The following CELF1 variants were observed in gnomAD, a reference collection of about 807,000 sequenced individuals.
The protein encoded by CELF1 is 50 kDa nuclear polyadenylated RNA-binding protein.
Under a neutral mutation model 61.8 loss-of-function variants are expected in CELF1, and 10 were observed. The ratio of observed to expected loss-of-function variants is 0.16; its 90% CI spans 0.10 to 0.27. CELF1 has a LOEUF of 0.27. Ranked by LOEUF, CELF1 falls within the 10% of genes least tolerant of loss-of-function variation. CELF1 has a pLI of 1.00. For synonymous variants in CELF1, 236 were observed against 225.1 expected (o/e 1.05, Z -0.43); for missense variants, 380 against 639.1 (o/e 0.59, Z 4.37).
In CELF1 at chr11:47,488,985, T is replaced by C; in HGVS notation, c.111A>G (p.Gln37=). ...KMNGTLDHPD[Q]PDLDAIKMFV... ...ACATCTTGATAGCATCAAGATCTGG[T>C]TGGTCTGGGTGGTCCAGGGTGCCGT... Residue 37 remains glutamine, a synonymous_variant, in exon 4 of 15, where the codon CAA becomes CAG. Transcript: ENST00000687097. 1.2e-6 allele frequency: 2 copies of C among 1,607,452 alleles called. No homozygotes were observed. Among genetic ancestry groups the C allele is most frequent in the Non-Finnish European group, 1.7e-6 (2 of 1,178,080 alleles).
At chr11:47,477,620 C>T in intron 10 of CELF1, 195 bp from the exon 11 acceptor site, 1 of 534,876 alleles carries the variant, frequency 1.9e-6, no homozygotes, top group Non-Finnish European at 3.3e-6. Flanking sequence ...ATCATTTCCT[C>T]AGAGAAGAGA....
At chr11:47,514,755 T>G (rs1357585376) in intron 1 of CELF1, 1 of 151,426 alleles carries the variant, frequency 6.6e-6, no homozygotes, top group African/African-American at 2.4e-5. Context: ...CTAATTTGGA[T>G]GCTGAGGTAG....
chr11:47,480,453 G>C (rs2082375642), intron 9 of CELF1, among the ~76,000 whole-genome samples: 1 of 152,094 alleles, frequency 6.6e-6, no homozygotes, highest in African/African-American at 2.4e-5. Flanking sequence ...TACTGTACTT[G>C]GTCCCTTCAT....
At chr11:47,491,902 G>A (rs2091628401) in intron 3 of CELF1, among the ~76,000 whole-genome samples, 1 of 152,220 alleles carries the variant, frequency 6.6e-6, no homozygotes. Flanking sequence ...GATAAAATGA[G>A]TGCTATGCAC....
chr11:47,501,479 C>CA (rs2093891506), intron 1 of CELF1, among the ~76,000 whole-genome samples: 1 of 152,100 alleles, frequency 6.6e-6, no homozygotes, highest in Non-Finnish European at 1.5e-5. Context: ...TCTTTTAGTG[C>CA]AAGAATTCCT....
chr11:47,516,219 G>A (rs1348887513), intron 1 of CELF1, among the ~76,000 whole-genome samples: 2 of 152,096 alleles, frequency 1.3e-5, no homozygotes, highest in East Asian at 3.9e-4. Context: ...TAAAAAGAGA[G>A]AGAGAAAAGG....
Position 47,472,224 on chromosome 11 carries a change from G to A in CELF1, c.*6C>T, listed in dbSNP as rs1275465163. 1 of 1,613,656 alleles carries A rather than the reference G, an allele frequency of 6.2e-7. No homozygotes were observed. Among genetic ancestry groups the A allele is most frequent in the South Asian group, 1.1e-5 (1 of 91,050 alleles). On this transcript the variant is annotated 3_prime_UTR_variant, in exon 15 of 15. Transcript: ENST00000687097. Reference sequence around the variant, plus strand: ...CCTCTCACTCCAGTCTCAGAGGGGAGCACGCTCAGTAGGGCTTGCTGTCAT... The same window carrying A: ...CCTCTCACTCCAGTCTCAGAGGGGAACACGCTCAGTAGGGCTTGCTGTCAT...
At chr11:47,556,388 T>C (rs1386746834), upstream of CELF1, among the ~76,000 whole-genome samples, 2 of 152,148 alleles carry the variant, frequency 1.3e-5, no homozygotes, top group Non-Finnish European at 2.9e-5. Flanking sequence ...TCTCACTATG[T>C]TGCCCAGGCT....
chr11:47,526,676 C>T (rs1443439988), intron 1 of CELF1, among the ~76,000 whole-genome samples: 2 of 152,154 alleles, frequency 1.3e-5, no homozygotes, highest in Non-Finnish European at 2.9e-5. Flanking sequence ...AAAACAAAAA[C>T]CCTGTCACAG....
chr11:47,560,793 T>C (rs1000010728), intron 2 of CELF1, among the ~76,000 whole-genome samples: 1 of 152,154 alleles, frequency 6.6e-6, no homozygotes, highest in Non-Finnish European at 1.5e-5. Context: ...CATAATGGAC[T>C]CTCAGTACTA....
intron 3 of CELF1, among the ~76,000 whole-genome samples, chr11:47,492,987 CCT>C (rs914145052): frequency 2.0e-5 from 3 of 152,152 alleles, no homozygotes; most frequent in African/African-American, 7.2e-5. Context: ...TTGCCCCTTC[CCT>C]CTGTTGTTTG....
Position 47,466,393 on chromosome 11 carries a change from A to C in CELF1, c.*5837T>G, listed in dbSNP as rs1420697582. On this transcript the variant is annotated 3_prime_UTR_variant, in exon 15 of 15. Coordinates refer to ENST00000687097, the MANE Select transcript of CELF1 (RefSeq NM_001376376.1). The stretch of plus-strand genomic sequence containing the variant: ...GAATCCCGTTGTTGCTGCAGAACAG[A>C]CTGTGCGTTTGGTCATAGTGGCAAT... 1 of 152,176 alleles carries C rather than the reference A, an allele frequency of 6.6e-6. No homozygotes were observed. The highest frequency in any genetic ancestry group is 1.5e-5 in the Non-Finnish European group (1 of 68,036). 9.4% of individuals were successfully genotyped at this position (152,176 alleles called of 1,614,324 possible).
chr11:47,563,220 G>GA (rs1290807670), intron 2 of CELF1, among the ~76,000 whole-genome samples: 320 of 135,264 alleles, frequency 2.4e-3, no homozygotes, highest in Middle Eastern at 3.6e-3. Flanking sequence ...CTGTTTCCTA[G>GA]AAAAAAAAAA....
At chr11:47,516,159 T>C (rs1016190659) in intron 1 of CELF1, among the ~76,000 whole-genome samples, 1 of 144,594 alleles carries the variant, frequency 6.9e-6, no homozygotes, top group African/African-American at 2.5e-5. Context: ...GTCACTGCAC[T>C]CCAGCCTGGG....
intron 1 of CELF1, among the ~76,000 whole-genome samples, chr11:47,522,376 AT>A (rs1237570400): frequency 6.8e-6 from 1 of 147,624 alleles, no homozygotes; most frequent in African/African-American, 2.5e-5. Context: ...AAATACAAAA[AT>A]TAGCTGGGCA....
intron 1 of CELF1, among the ~76,000 whole-genome samples, chr11:47,549,241 C>G (rs1450819835): frequency 6.6e-6 from 1 of 152,172 alleles, no homozygotes. Context: ...AAACACTATT[C>G]CAGTGGCCTA....
intron 1 of CELF1, among the ~76,000 whole-genome samples, chr11:47,522,423 G>C (rs775584142): frequency 1.3e-5 from 2 of 151,384 alleles, no homozygotes; most frequent in African/African-American, 4.9e-5. Context: ...CTACTACTAC[G>C]GAGGCTGAGT....
intron 7 of CELF1, 112 bp downstream of exon 7, chr11:47,484,277 T>C: frequency 8.6e-7 from 1 of 1,161,350 alleles, no homozygotes; most frequent in Non-Finnish European, 1.2e-6. Context: ...AAGGCACCAC[T>C]GCACTCCAGC....
intron 1 of CELF1, among the ~76,000 whole-genome samples, chr11:47,544,965 A>G (rs2096895798): frequency 6.6e-6 from 1 of 152,098 alleles, no homozygotes; most frequent in Non-Finnish European, 1.5e-5. Context: ...TCACTCTCAA[A>G]AAAATAAAAA....
Sources: allele counts gnomAD v4.1 joint callset (sites outside exome capture counted in the v4.1 genomes callset), GRCh38; gene constraint gnomAD v4.1.1; transcripts MANE v1.5; gene names NCBI Gene and HGNC (gene_info 2026-07-23, HGNC 2026-07-21).